Variants in PPFIA4 observed in about 807,000 individuals in gnomAD.
PPFIA4 encodes liprin-alpha-4.
PPFIA4 carries 98 observed loss-of-function variants against 145.7 expected under a neutral mutation model. The observed-to-expected ratio is 0.67, with a 90% CI of 0.57 to 0.80. The LOEUF (loss-of-function observed/expected upper bound fraction) is 0.80, where lower values mean the gene tolerates loss of function less well. Ranked by LOEUF, PPFIA4 falls within the 30% of genes least tolerant of loss-of-function variation. The pLI, the probability that PPFIA4 is intolerant of heterozygous loss-of-function variation, is 0.00. For missense variants in PPFIA4, 1,457 were observed against 1,632.7 expected, an observed-to-expected ratio of 0.89 and a Z score of 1.85; for synonymous variants, 628 against 649.6, an observed-to-expected ratio of 0.97 and a Z score of 0.51.
intron 13 of PPFIA4, 49 bp from the exon 14 acceptor site, chr1:203,051,720 G>GGTCTCAGTCCTCAGGGCCT: frequency 1.3e-6 from 2 of 1,564,208 alleles, no homozygotes; most frequent in Non-Finnish European, 1.7e-6. Flanking sequence ...GTGAGCTGGG[G>GGTCTCAGTCCTCAGGGCCT]GTCTCAGTCC....
rs531100359 is a variant in PPFIA4, at chr1:203,072,098, C to T, written c.3393+338C>T. On this transcript the variant is annotated intron_variant, in intron 28 of 29. Transcript: ENST00000295706. Reference sequence around the variant, plus strand: ...CCCAAAGGCCATATCTTTGGGATCACACCTTTTTCTTAATCTCTCAGACCA... The same window carrying T: ...CCCAAAGGCCATATCTTTGGGATCATACCTTTTTCTTAATCTCTCAGACCA... 3.8e-4 allele frequency among the ~76,000 whole-genome samples: 58 copies of T among 152,294 alleles called. 1 individual carries two copies. In the Middle Eastern group the frequency reaches 0.01, roughly 27 times the overall value.
Position 203,055,489 on chromosome 1 carries a change from T to C in PPFIA4, c.1887T>C (p.Arg629=). The C allele has an allele frequency of 6.2e-7, 1 of 1,613,898 alleles. No individual in the cohort carries two copies. Among genetic ancestry groups the C allele is most frequent in the East Asian group, 2.2e-5 (1 of 44,856 alleles). The change falls in exon 16 of 30, where the codon CGT becomes CGC. Residue 629 remains arginine, a synonymous_variant. Transcript: ENST00000295706. This position sits in a 1 kb window ranked among gnomAD's most constrained non-coding sequence, Gnocchi z 4.8. ...TELRAEEIET[R]VTSGSMEALN... ...TCCGCGCGGAGGAGATTGAGACGCG[T>C]GTAACCAGTGGCAGCATGGAAGCCC... is the stretch of plus-strand genomic sequence containing the variant.
chr1:203,042,428 G>A (rs922986484), intron 2 of PPFIA4, among the ~76,000 whole-genome samples: 9 of 152,172 alleles, frequency 5.9e-5, no homozygotes, highest in Non-Finnish European at 7.4e-5. Context: ...CTGGGATGTA[G>A]CCCTTGCTTG....
rs952325935 is a variant in PPFIA4, at chr1:203,051,107, A to AG, written c.1512-660dup. 219 of 983,048 alleles carry AG rather than the reference A, an allele frequency of 2.2e-4. No individual in the cohort carries two copies. In the Admixed American group the frequency reaches 4.7e-3, roughly 21 times the overall value. The allele number at this position is 983,048 out of a possible 1,614,324, so 60.9% of individuals were successfully genotyped here. ...CACAGGGAGGAAGTATCACTAGGGGAGGCTTCCAGATATTCCAGGGGATTG... is the reference window on the plus strand; with the variant it reads ...CACAGGGAGGAAGTATCACTAGGGGAGGGCTTCCAGATATTCCAGGGGATTG... On this transcript the variant is annotated intron_variant, in intron 13 of 29. Coordinates refer to ENST00000295706, the MANE Select transcript of PPFIA4 (RefSeq NM_001304331.2).
chr1:203,065,896 G>C (rs142908870), intron 25 of PPFIA4, among the ~76,000 whole-genome samples: 32 of 152,304 alleles, frequency 2.1e-4, no homozygotes, highest in African/African-American at 7.0e-4. Flanking sequence ...TATTGAGCAG[G>C]TCTTCTAGAA....
rs115819936 is a variant in PPFIA4 at position 203,052,202 on chromosome 1, C to G, written c.1620+325C>G. Among the ~76,000 whole-genome samples the G allele has an allele frequency of 2.3e-3, 352 of 152,022 alleles. 3 individuals are homozygous for G. Among genetic ancestry groups the G allele is most frequent in the African/African-American group, 8.1e-3 (337 of 41,424 alleles). ...GGGCGTGGGGGGTGGGGGAGCTTCA[C>G]GGGTAAGATGGAATTGGCAGACTTT... On this transcript the variant is annotated intron_variant, in intron 14 of 29. Transcript: ENST00000295706.
At chr1:203,057,202 G>A (rs1425588251) in intron 19 of PPFIA4, among the ~76,000 whole-genome samples, 1 of 152,284 alleles carries the variant, frequency 6.6e-6, no homozygotes, top group Non-Finnish European at 1.5e-5. Context: ...TTGGCATGCT[G>A]TGGAAAGGTC....
At position 203,040,371 on chromosome 1, in the gene PPFIA4, C is replaced by G. The variant is rs72754764; in HGVS notation, c.234+1129C>G. Among the ~76,000 whole-genome samples the G allele has an allele frequency of 9.9e-3, 1,511 of 152,328 alleles. 56 individuals are homozygous for G. In the East Asian group the frequency reaches 0.11, roughly 11 times the overall value. ...AGGAGCCGAAGAGCTCAAGCCTCAG[C>G]GCCAGGCCCTTCCCAGTGTGTGGGG... On this transcript the variant is annotated intron_variant, in intron 2 of 29. Coordinates refer to ENST00000295706, the MANE Select transcript of PPFIA4 (RefSeq NM_001304331.2).
intron 2 of PPFIA4, among the ~76,000 whole-genome samples, chr1:203,040,652 G>A (rs541797564): frequency 1.7e-4 from 26 of 152,348 alleles, no homozygotes; most frequent in African/African-American, 6.3e-4. Flanking sequence ...GCCCAAAAGG[G>A]TTATTAAGCA....
rs529227306 is a variant in PPFIA4, at chr1:203,068,168, CA to C, written c.3149-284del. On this transcript the variant is annotated intron_variant, in intron 26 of 29. Coordinates refer to ENST00000295706, the MANE Select transcript of PPFIA4 (RefSeq NM_001304331.2). This position sits in a 1 kb window ranked among gnomAD's most constrained non-coding sequence, Gnocchi z 4.7. ...ATAAGAAGGCCATTCCAGCTTGGGT[CA>C]GGGGGATGACCCGTGCAAGGGTTCT... Among the ~76,000 whole-genome samples the C allele has an allele frequency of 8.5e-5, 13 of 152,158 alleles. No homozygotes were observed. The highest frequency in any genetic ancestry group is 1.3e-4 in the Non-Finnish European group (9 of 68,042).
At chr1:203,056,632 C>T in intron 18 of PPFIA4, 124 bp downstream of exon 18, 1 of 1,389,208 alleles carries the variant, frequency 7.2e-7, no homozygotes, top group Non-Finnish European at 9.8e-7. Context: ...CTCTTTGAAA[C>T]ACCATCAGGG....
rs907404426 is a variant in PPFIA4, at chr1:203,038,899, C to T, written c.-110C>T. On this transcript the variant is annotated 5_prime_UTR_variant, in exon 2 of 30. Transcript: ENST00000295706. Reference sequence around the variant, plus strand: ...AGAAGCCCCTGCCCACCTGTCCACTCGCCTGGCACTGCCCACTCTGAGACC... The same window carrying T: ...AGAAGCCCCTGCCCACCTGTCCACTTGCCTGGCACTGCCCACTCTGAGACC... 2.1e-5 allele frequency: 13 copies of T among 632,846 alleles called. No individual in the cohort carries two copies. Among genetic ancestry groups the T allele is most frequent in the South Asian group, 4.0e-5 (2 of 50,516 alleles). The allele number at this position is 632,846 out of a possible 1,614,324, so 39.2% of individuals were successfully genotyped here. A position where few individuals can be genotyped will look rare whatever the true frequency, so the allele number is the denominator to read the frequency against.
Position 203,076,726 on chromosome 1 carries a change from A to G in PPFIA4, c.*336A>G, listed in dbSNP as rs912895469. 8 of 359,510 alleles carry G rather than the reference A, an allele frequency of 2.2e-5. No homozygotes were observed. The highest frequency in any genetic ancestry group is 4.1e-5 in the Non-Finnish European group (8 of 194,780). The allele number at this position is 359,510 out of a possible 1,614,324, so 22.3% of individuals were successfully genotyped here. On this transcript the variant is annotated 3_prime_UTR_variant, in exon 30 of 30. Transcript: ENST00000295706. ...CTCTTCTGGACCCAGCCTGGTCTGC[A>G]CTGCAACCTCCACCAGGACCAGGAT... is the stretch of plus-strand genomic sequence containing the variant.
chr1:203,049,872 C>A, intron 13 of PPFIA4, 105 bp downstream of exon 13: 1 of 1,020,744 alleles, frequency 9.8e-7, no homozygotes, highest in Non-Finnish European at 1.3e-6. Flanking sequence ...CAGGGTCCTC[C>A]TCCTGTTCAG....
chr1:203,048,897 C>T lies in PPFIA4; in HGVS notation c.1357-21C>T, dbSNP rs751669419. On this transcript the variant is annotated intron_variant, in intron 11 of 29. Coordinates refer to ENST00000295706, the MANE Select transcript of PPFIA4 (RefSeq NM_001304331.2). This position sits in a 1 kb window ranked among gnomAD's most constrained non-coding sequence, Gnocchi z 5.8. Reference sequence around the variant, plus strand: ...ATGGGAGAGGAAGGCAGGGGCCTGGCTCACAGCTGCTCTCCCCCAGAACAC... The same window carrying T: ...ATGGGAGAGGAAGGCAGGGGCCTGGTTCACAGCTGCTCTCCCCCAGAACAC... 5.8e-6 allele frequency: 9 copies of T among 1,547,768 alleles called. No homozygotes were observed. The highest frequency in any genetic ancestry group is 7.0e-6 in the Non-Finnish European group (8 of 1,146,460).
chr1:203,057,042 C>T, intron 19 of PPFIA4, 92 bp downstream of exon 19: 12 of 1,564,498 alleles, frequency 7.7e-6, no homozygotes, highest in Non-Finnish European at 1.0e-5. Context: ...TGCCTGCGTC[C>T]CAGGGACCAG....
Position 203,040,523 on chromosome 1 carries a change from C to T in PPFIA4, c.234+1281C>T, listed in dbSNP as rs138269048. Among the ~76,000 whole-genome samples the T allele has an allele frequency of 3.3e-3, 502 of 152,242 alleles. 4 individuals carry two copies. Among genetic ancestry groups the T allele is most frequent in the African/African-American group, 0.011 (464 of 41,540 alleles). ...TGGGGACCTCCTCTTTCACTGTGCA[C>T]GAGGCTCTGAAGTTGCCCTAGAGTG... On this transcript the variant is annotated intron_variant, in intron 2 of 29. Transcript: ENST00000295706.
rs551204934 is a variant in PPFIA4, at chr1:203,046,165, C to G, written c.1006-83C>G. ...TTGTCCCTTGCTGCTTCTGACCTGTCATCTGCTCTCTGCTGAGGCTGGGGT... is the reference window on the plus strand; with the variant it reads ...TTGTCCCTTGCTGCTTCTGACCTGTGATCTGCTCTCTGCTGAGGCTGGGGT... On this transcript the variant is annotated intron_variant, in intron 8 of 29. Coordinates refer to ENST00000295706, the MANE Select transcript of PPFIA4 (RefSeq NM_001304331.2). 14 of 1,528,040 alleles carry G rather than the reference C, an allele frequency of 9.2e-6. No individual in the cohort carries two copies. In the South Asian group the frequency reaches 1.5e-4, roughly 16 times the overall value. The allele number at this position is 1,528,040 out of a possible 1,614,324, so 94.7% of individuals were successfully genotyped here. A position where few individuals can be genotyped will look rare whatever the true frequency, so the allele number is the denominator to read the frequency against.
chr1:203,045,685 G>A (rs1049643282), intron 7 of PPFIA4, 126 bp downstream of exon 7: 21 of 1,448,576 alleles, frequency 1.4e-5, no homozygotes, highest in Non-Finnish European at 1.4e-5. Flanking sequence ...TTGGGGGGCG[G>A]TCATGGAAGG....
Sources: gnomAD v4.1 joint callset for allele counts (sites outside exome capture counted in the v4.1 genomes callset) on GRCh38, gnomAD v4.1.1 for gene constraint, Gnocchi (gnomAD v3.1) non-coding constraint, MANE v1.5 for transcripts, NCBI Gene and HGNC (gene_info 2026-07-23, HGNC 2026-07-21) for gene names.